Variants in FGF14 observed in about 807,000 individuals in gnomAD.
FGF14 encodes fibroblast growth factor homologous factor 4.
FGF14 carries 5 observed loss-of-function variants against 25.5 expected under a neutral mutation model. The ratio of observed to expected loss-of-function variants is 0.20; its 90% CI spans 0.10 to 0.41. The LOEUF is 0.41. FGF14 is among the 10% of genes least tolerant of loss of function. FGF14 has a pLI of 1.00. For missense variants in FGF14, 222 were observed against 320.1 expected (o/e 0.69, Z 2.34); for synonymous variants, 138 against 118.3 (o/e 1.17, Z -1.08).
intron 1 of FGF14, among the ~76,000 whole-genome samples, chr13:102,138,085 C>G (rs2046489700): frequency 6.6e-6 from 1 of 151,250 alleles, no homozygotes; most frequent in South Asian, 2.1e-4. Flanking sequence ...TCCTGTGTCA[C>G]CATGTTTTAT....
intron 1 of FGF14, among the ~76,000 whole-genome samples, chr13:102,057,192 A>T (rs1007396085): frequency 6.6e-6 from 1 of 152,154 alleles, no homozygotes; most frequent in Non-Finnish European, 1.5e-5. Flanking sequence ...TGAACACAAG[A>T]TAACTGACCC....
At chr13:102,360,998 G>A (rs2057548897) in intron 1 of FGF14, among the ~76,000 whole-genome samples, 1 of 151,998 alleles carries the variant, frequency 6.6e-6, no homozygotes, top group Non-Finnish European at 1.5e-5. Flanking sequence ...ATCTCCCAGT[G>A]AAATTATATC....
At chr13:101,953,693 C>G (rs570865628) in intron 1 of FGF14, among the ~76,000 whole-genome samples, 5 of 151,330 alleles carry the variant, frequency 3.3e-5, no homozygotes, top group Non-Finnish European at 5.9e-5. Context: ...CCGGTTCAAG[C>G]GATTCTCCTG....
intron 1 of FGF14, among the ~76,000 whole-genome samples, chr13:102,091,571 C>T (rs967597608): frequency 1.3e-5 from 2 of 152,106 alleles, no homozygotes; most frequent in African/African-American, 2.4e-5. Context: ...AAATACCAGC[C>T]GGCCATTGGT....
At chr13:102,111,720 A>C (rs1401106702) in intron 1 of FGF14, among the ~76,000 whole-genome samples, 1 of 148,686 alleles carries the variant, frequency 6.7e-6, no homozygotes, top group African/African-American at 2.6e-5. Context: ...TGTCTAAAAA[A>C]GAAAAAAAAA....
chr13:101,991,114 C>T (rs758868927), intron 1 of FGF14, among the ~76,000 whole-genome samples: 4 of 151,924 alleles, frequency 2.6e-5, no homozygotes, highest in Admixed American at 2.0e-4. Flanking sequence ...TCTCAAGATT[C>T]GTTATATAAC....
intron 1 of FGF14, among the ~76,000 whole-genome samples, chr13:102,099,810 A>C (rs1412600952): frequency 6.6e-6 from 1 of 152,138 alleles, no homozygotes; most frequent in African/African-American, 2.4e-5. Flanking sequence ...AGTAATATTA[A>C]TAAAATAATA....
At chr13:101,806,156 T>A (rs1367340413) in intron 3 of FGF14, among the ~76,000 whole-genome samples, 2 of 151,996 alleles carry the variant, frequency 1.3e-5, no homozygotes, top group Non-Finnish European at 2.9e-5. Context: ...GAGCAGTGGC[T>A]CACTCCTGTA....
At chr13:102,143,335 T>A (rs1256731627) in intron 1 of FGF14, among the ~76,000 whole-genome samples, 1 of 152,074 alleles carries the variant, frequency 6.6e-6, no homozygotes, top group Non-Finnish European at 1.5e-5. Flanking sequence ...ACCCTTCTAC[T>A]CAGATTTAAA....
rs1257100453 is a variant in FGF14 at position 102,400,390 on chromosome 13, C to A, written c.208+1081G>T. Among the ~76,000 whole-genome samples, 3 of 152,192 alleles carry A rather than the reference C, an allele frequency of 2.0e-5. No homozygotes were observed. Among genetic ancestry groups the A allele is most frequent in the Non-Finnish European group, 2.9e-5 (2 of 68,032 alleles). On this transcript the variant is annotated intron_variant, in intron 1 of 4. Transcript: ENST00000376131. This position sits in a 1 kb window ranked among gnomAD's most constrained non-coding sequence, Gnocchi z 4.3. The stretch of plus-strand genomic sequence containing the variant: ...CAGCCGGCCCCGGGTCCCTCTCCAC[C>A]CTGAACGGAGCTAGGGGACGCCACA...
At chr13:101,728,417 A>G (rs1008098270) in intron 3 of FGF14, among the ~76,000 whole-genome samples, 1 of 152,126 alleles carries the variant, frequency 6.6e-6, no homozygotes, top group African/African-American at 2.4e-5. Flanking sequence ...TGAGTTCTGC[A>G]TCTCCATATA....
At position 101,715,670 on chromosome 13, in the gene FGF14, G is replaced by C; in HGVS notation, c.*7161C>G. On this transcript the variant is annotated 3_prime_UTR_variant, in exon 5 of 5. Coordinates refer to ENST00000376143, the MANE Select transcript of FGF14 (RefSeq NM_004115.4). The stretch of plus-strand genomic sequence containing the variant: ...ATATCCTTAACAATTACATGAGAGA[G>C]GTCTGGATTCTTATTTTTTCTGGGC... 5 of 1,546,112 alleles carry C rather than the reference G, an allele frequency of 3.2e-6. No individual in the cohort carries two copies. Among genetic ancestry groups the C allele is most frequent in the Non-Finnish European group, 4.5e-6 (5 of 1,118,262 alleles).
chr13:101,921,196 T>C (rs1455296454), upstream of FGF14, among the ~76,000 whole-genome samples: 1 of 152,214 alleles, frequency 6.6e-6, no homozygotes, highest in Non-Finnish European at 1.5e-5. Flanking sequence ...GGTCTCAGCA[T>C]AGATATCTTC....
intron 3 of FGF14, among the ~76,000 whole-genome samples, chr13:101,792,383 T>C (rs532339630): frequency 1.3e-5 from 2 of 152,232 alleles, no homozygotes; most frequent in Non-Finnish European, 2.9e-5. Flanking sequence ...TCACTCAGGT[T>C]GACAACTGAT....
At chr13:101,941,397 C>T (rs1476245480) in intron 1 of FGF14, among the ~76,000 whole-genome samples, 2 of 152,194 alleles carry the variant, frequency 1.3e-5, no homozygotes, top group Non-Finnish European at 2.9e-5. Context: ...GTTATAATAA[C>T]ACGATAAGAC....
intron 3 of FGF14, among the ~76,000 whole-genome samples, chr13:101,750,433 T>A (rs2037197247): frequency 1.3e-5 from 2 of 152,068 alleles, no homozygotes; most frequent in Admixed American, 1.3e-4. Flanking sequence ...GTTATAAAAG[T>A]TTTTAAAAAT....
intron 1 of FGF14, among the ~76,000 whole-genome samples, chr13:101,890,583 TG>T (rs1181041742): frequency 1.3e-5 from 2 of 152,112 alleles, no homozygotes; most frequent in African/African-American, 4.8e-5. Context: ...TACAACAATA[TG>T]GGGTGTATCC....
intron 1 of FGF14, among the ~76,000 whole-genome samples, chr13:102,388,799 G>A (rs112588754): frequency 1.8e-4 from 27 of 152,024 alleles, no homozygotes; most frequent in African/African-American, 6.5e-4. Flanking sequence ...AATTATAATT[G>A]AGCCATTCTC....
chr13:102,158,233 C>T (rs542185537), intron 1 of FGF14, among the ~76,000 whole-genome samples: 12 of 152,064 alleles, frequency 7.9e-5, no homozygotes, highest in South Asian at 2.1e-4. Flanking sequence ...ATGTTTATTG[C>T]GGCACTATTC....
Sources: gnomAD v4.1 joint callset for allele counts (sites outside exome capture counted in the v4.1 genomes callset) on GRCh38, gnomAD v4.1.1 for gene constraint, Gnocchi (gnomAD v3.1) non-coding constraint, MANE v1.5 for transcripts, NCBI Gene and HGNC (gene_info 2026-07-23, HGNC 2026-07-21) for gene names.